The following HMG20A variants were observed in gnomAD, a reference collection of about 807,000 sequenced individuals.
HMG20A encodes high mobility group protein 20A.
A neutral mutation model predicts 43.9 loss-of-function variants in HMG20A; 17 were observed. The ratio of observed to expected loss-of-function variants is 0.39; its 90% confidence interval spans 0.27 to 0.58. The LOEUF is 0.58. Ranked by LOEUF, HMG20A falls within the 20% of genes least tolerant of loss-of-function variation. The pLI is 0.59. For missense variants in HMG20A, 341 were observed against 438.2 expected (o/e 0.78, Z 1.98); for synonymous variants, 132 against 147.5 (o/e 0.89, Z 0.76).
At chr15:77,503,836 G>T in the HMG20A span, among the ~76,000 whole-genome samples, 1 of 152,086 alleles carries the variant, frequency 6.6e-6, no homozygotes, top group Non-Finnish European at 1.5e-5. Flanking sequence ...TAACAAGCTC[G>T]CCTGTGATAT....
At position 77,421,019 on chromosome 15, in the gene HMG20A, C is replaced by A. The variant is rs988060288; in HGVS notation, c.-5+15C>A. Reference sequence around the variant, plus strand: ...GTCGTCAGCAGGTCAGTAAGCAAGGCGAGCTTGGGGGTGGCCCCAGTCGAG... The same window carrying A: ...GTCGTCAGCAGGTCAGTAAGCAAGGAGAGCTTGGGGGTGGCCCCAGTCGAG... On this transcript the variant is annotated intron_variant, in intron 1 of 9. Transcript: ENST00000336216. 18 of 398,758 alleles carry A rather than the reference C, an allele frequency of 4.5e-5. No individual in the cohort carries two copies. Among genetic ancestry groups the A allele is most frequent in the African/African-American group, 3.5e-4 (17 of 48,764 alleles). 24.7% of individuals were successfully genotyped at this position (398,758 alleles called of 1,614,324 possible).
downstream of HMG20A, among the ~76,000 whole-genome samples, chr15:77,486,112 G>A (rs1015956754): frequency 1.3e-5 from 2 of 152,152 alleles, no homozygotes; most frequent in African/African-American, 4.8e-5. Flanking sequence ...AATGTATGCT[G>A]TAACAATACA....
chr15:77,433,017 C>T (rs1351837272), intron 1 of HMG20A, among the ~76,000 whole-genome samples: 1 of 152,004 alleles, frequency 6.6e-6, no homozygotes, highest in Non-Finnish European at 1.5e-5. Flanking sequence ...AAAAAATTGA[C>T]ATGAAGAAAT....
At chr15:77,473,604 A>G (rs1177334789) in intron 6 of HMG20A, among the ~76,000 whole-genome samples, 1 of 152,248 alleles carries the variant, frequency 6.6e-6, no homozygotes, top group African/African-American at 2.4e-5. Flanking sequence ...AGTAAACTTG[A>G]TAGTTGCAGT....
chr15:77,435,866 TCTGC>T (rs1307499841), intron 1 of HMG20A, among the ~76,000 whole-genome samples: 4 of 151,964 alleles, frequency 2.6e-5, no homozygotes, highest in Admixed American at 1.3e-4. Flanking sequence ...TTCCTGGCTC[TCTGC>T]CTACCTCTGT....
At position 77,485,211 on chromosome 15, in the gene HMG20A, C is replaced by CA. The variant is rs1322133191; in HGVS notation, c.*2249dup. 1.3e-5 allele frequency: 2 copies of CA among 152,610 alleles called. No individual in the cohort carries two copies. Among genetic ancestry groups the CA allele is most frequent in the Non-Finnish European group, 2.9e-5 (2 of 68,042 alleles). 9.5% of individuals were successfully genotyped at this position (152,610 alleles called of 1,614,324 possible). Reference sequence around the variant, plus strand: ...CACAAAACTGTCAGTATCTATAGACCAGGTCTGTGCCACCTCCTCTCTCCT... The same window carrying CA: ...CACAAAACTGTCAGTATCTATAGACCAAGGTCTGTGCCACCTCCTCTCTCCT... On this transcript the variant is annotated 3_prime_UTR_variant, in exon 10 of 10. Coordinates refer to ENST00000336216, the MANE Select transcript of HMG20A (RefSeq NM_001304504.2).
the HMG20A span, among the ~76,000 whole-genome samples, chr15:77,520,008 G>A: frequency 6.6e-6 from 1 of 152,212 alleles, no homozygotes; most frequent in East Asian, 1.9e-4. Flanking sequence ...AGATCATCCT[G>A]GCTAACATGG....
the HMG20A span, among the ~76,000 whole-genome samples, chr15:77,514,444 A>T: frequency 6.6e-6 from 1 of 151,754 alleles, no homozygotes; most frequent in Admixed American, 6.5e-5. Context: ...TGAAATGGAT[A>T]GTGGCTACAC....
At chr15:77,447,353 C>T (rs531720692) in intron 1 of HMG20A, among the ~76,000 whole-genome samples, 1 of 152,224 alleles carries the variant, frequency 6.6e-6, no homozygotes, top group East Asian at 1.9e-4. Flanking sequence ...GCGTTATCAC[C>T]GTGCTTTACA....
At chr15:77,505,808 C>G in the HMG20A span, among the ~76,000 whole-genome samples, 1 of 152,348 alleles carries the variant, frequency 6.6e-6, no homozygotes, top group Admixed American at 6.5e-5. Context: ...CTCAGGGGCT[C>G]CCGGGAGTAG....
In HMG20A at chr15:77,422,893, A is replaced by C. The variant is rs75545763; in HGVS notation, c.-5+1889A>C. On this transcript the variant is annotated intron_variant, in intron 1 of 9. Coordinates refer to ENST00000336216, the MANE Select transcript of HMG20A (RefSeq NM_001304504.2). The stretch of plus-strand genomic sequence containing the variant: ...GAAGTAAGAATTAATTGATTAAAGA[A>C]GAAGTGTTCACTATCTTCTATATTA... 1.7e-4 allele frequency among the ~76,000 whole-genome samples: 26 copies of C among 152,338 alleles called. No homozygotes were observed. In the East Asian group the frequency reaches 5.0e-3, roughly 29 times the overall value.
At chr15:77,429,982 G>C (rs1245369644) in intron 1 of HMG20A, among the ~76,000 whole-genome samples, 1 of 152,162 alleles carries the variant, frequency 6.6e-6, no homozygotes, top group Non-Finnish European at 1.5e-5. Context: ...CATTATAGAA[G>C]CAACAATTTG....
At chr15:77,501,550 C>T in the HMG20A span, among the ~76,000 whole-genome samples, 20 of 152,336 alleles carry the variant, frequency 1.3e-4, no homozygotes, top group African/African-American at 4.8e-4. Flanking sequence ...GTTGCATTCT[C>T]TTCCCTCTAC....
the HMG20A span, among the ~76,000 whole-genome samples, chr15:77,517,870 G>A: frequency 6.6e-6 from 1 of 152,186 alleles, no homozygotes; most frequent in African/African-American, 2.4e-5. Flanking sequence ...CACTTACTAT[G>A]TGGATAATTT....
At chr15:77,514,930 T>C in the HMG20A span, among the ~76,000 whole-genome samples, 2 of 152,164 alleles carry the variant, frequency 1.3e-5, no homozygotes, top group Non-Finnish European at 2.9e-5. Context: ...GTCAGGTTGA[T>C]GATAAATCGT....
At chr15:77,491,884 T>C in the HMG20A span, among the ~76,000 whole-genome samples, 1 of 152,206 alleles carries the variant, frequency 6.6e-6, no homozygotes, top group Non-Finnish European at 1.5e-5. Flanking sequence ...AGTGAGGTGT[T>C]CTGAAAATGG....
At chr15:77,458,617 C>A in intron 2 of HMG20A, 121 bp downstream of exon 2, 1 of 591,474 alleles carries the variant, frequency 1.7e-6, no homozygotes. Flanking sequence ...ACTTGTTTCA[C>A]TTTGCAAAGA....
the HMG20A span, among the ~76,000 whole-genome samples, chr15:77,505,387 G>A: frequency 6.6e-6 from 1 of 152,234 alleles, no homozygotes; most frequent in African/African-American, 2.4e-5. Flanking sequence ...GGGGACTCAG[G>A]ATGGCCCAGT....
intron 1 of HMG20A, among the ~76,000 whole-genome samples, chr15:77,427,376 A>T (rs1047741164): frequency 6.6e-6 from 1 of 152,138 alleles, no homozygotes; most frequent in Non-Finnish European, 1.5e-5. Flanking sequence ...ATAAAATCTT[A>T]TGAGTGTGAT....
Sources: allele counts gnomAD v4.1 joint callset (sites outside exome capture counted in the v4.1 genomes callset), GRCh38; gene constraint gnomAD v4.1.1; transcripts MANE v1.5; gene names NCBI Gene and HGNC (gene_info 2026-07-23, HGNC 2026-07-21).